The following CTNNA3 variants were observed in gnomAD, a reference collection of about 807,000 sequenced individuals.
CTNNA3 encodes catenin alpha-3.
In CTNNA3, 76 loss-of-function variants were observed where a neutral mutation model predicts 95.7. The observed-to-expected ratio is 0.79, with a 90% CI of 0.66 to 0.96. The LOEUF (loss-of-function observed/expected upper bound fraction) is 0.96. CTNNA3 is among the 40% of genes least tolerant of loss of function. The probability of loss-of-function intolerance (pLI) is 0.00; values close to 1 mark genes in which losing one functional copy is unlikely to be tolerated. For missense variants in CTNNA3, 1,191 were observed against 1,089.8 expected (o/e 1.09, Z -1.31); for synonymous variants, 431 against 374.4 (o/e 1.15, Z -1.74).
chr10:67,196,398 T>C (rs1251615960), intron 6 of CTNNA3, among the ~76,000 whole-genome samples: 1 of 152,088 alleles, frequency 6.6e-6, no homozygotes, highest in African/African-American at 2.4e-5. Flanking sequence ...TTGCATTTTG[T>C]TGTGTATCAA....
At chr10:67,755,586 G>C (rs1044925931) in intron 1 of CTNNA3, among the ~76,000 whole-genome samples, 1 of 152,016 alleles carries the variant, frequency 6.6e-6, no homozygotes, top group Non-Finnish European at 1.5e-5. Flanking sequence ...TGGATCATTT[G>C]AGGTCAGGAG....
At chr10:66,449,725 T>C (rs1811103234) in intron 11 of CTNNA3, among the ~76,000 whole-genome samples, 1 of 152,066 alleles carries the variant, frequency 6.6e-6, no homozygotes, top group South Asian at 2.1e-4. Context: ...AGAAAAACCA[T>C]TTAATGACTC....
At chr10:65,986,042 T>C (rs1311239131) in intron 16 of CTNNA3, among the ~76,000 whole-genome samples, 1 of 151,522 alleles carries the variant, frequency 6.6e-6, no homozygotes, top group African/African-American at 2.4e-5. Context: ...ATCCCATTTG[T>C]CTTTACTGAT....
At chr10:67,174,917 C>G (rs1862168061) in intron 7 of CTNNA3, among the ~76,000 whole-genome samples, 1 of 152,046 alleles carries the variant, frequency 6.6e-6, no homozygotes, top group South Asian at 2.1e-4. Flanking sequence ...ATCCAGATAT[C>G]TGTAAACTGA....
intron 9 of CTNNA3, among the ~76,000 whole-genome samples, chr10:66,651,801 G>GCCCTTGATCGCGGCACACAGCAGCA (rs1260390344): frequency 5.5e-4 from 13 of 23,842 alleles, no homozygotes; most frequent in African/African-American, 2.4e-3. Context: ...ACCCGCATTG[G>GCCCTTGATCGCGGCACACAGCAGCA]CCGGTTCCCA....
intron 9 of CTNNA3, among the ~76,000 whole-genome samples, chr10:66,731,830 G>A (rs1172787327): frequency 3.9e-5 from 6 of 152,140 alleles, no homozygotes; most frequent in African/African-American, 7.2e-5. Context: ...GGAGTTTCCG[G>A]ATGACATTCC....
chr10:67,341,028 T>C (rs1017576380), intron 5 of CTNNA3, among the ~76,000 whole-genome samples: 7 of 152,086 alleles, frequency 4.6e-5, no homozygotes, highest in African/African-American at 7.2e-5. Context: ...ATAAGACATA[T>C]AGGTTTTTAT....
chr10:67,372,430 AG>A (rs1175200223), intron 5 of CTNNA3, among the ~76,000 whole-genome samples: 3 of 152,224 alleles, frequency 2.0e-5, no homozygotes, highest in African/African-American at 4.8e-5. Flanking sequence ...TAGAGAAAAA[AG>A]AATAAAAAGA....
In CTNNA3 at chr10:66,520,912, T is replaced by G. The variant is rs534094698; in HGVS notation, c.1375-139A>C. On this transcript the variant is annotated intron_variant, in intron 10 of 17. Coordinates refer to ENST00000433211, the MANE Select transcript of CTNNA3 (RefSeq NM_013266.4). ...TCTGCACTTATAATTCCTAAATATA[T>G]AAAATAAATAAAAAATATTAAAACA... is the stretch of plus-strand genomic sequence containing the variant. 93 of 331,194 alleles carry G rather than the reference T, an allele frequency of 2.8e-4. No individual in the cohort carries two copies. In the East Asian group the frequency reaches 4.7e-3, roughly 17 times the overall value. The allele number at this position is 331,194 out of a possible 1,614,324, so 20.5% of individuals were successfully genotyped here.
intron 13 of CTNNA3, among the ~76,000 whole-genome samples, chr10:66,116,855 T>G (rs775825986): frequency 6.6e-6 from 1 of 152,026 alleles, no homozygotes; most frequent in Non-Finnish European, 1.5e-5. Flanking sequence ...CGCTGCACAC[T>G]TTTAAACAAC....
intron 15 of CTNNA3, among the ~76,000 whole-genome samples, chr10:66,009,459 G>A (rs187704107): frequency 6.6e-6 from 1 of 152,148 alleles, no homozygotes; most frequent in African/African-American, 2.4e-5. Flanking sequence ...CACTAAAGGA[G>A]AGTGTCAATG....
intron 5 of CTNNA3, among the ~76,000 whole-genome samples, chr10:67,388,930 C>A (rs1423046991): frequency 6.6e-6 from 1 of 152,258 alleles, no homozygotes; most frequent in Non-Finnish European, 1.5e-5. Context: ...TGGAAAGGAA[C>A]AACCAGTACC....
chr10:66,467,317 C>T (rs1432913463), intron 11 of CTNNA3, among the ~76,000 whole-genome samples: 2 of 152,074 alleles, frequency 1.3e-5, no homozygotes, highest in African/African-American at 4.8e-5. Context: ...TGAGTGAATT[C>T]ATGCTGGTCA....
chr10:66,050,779 A>G (rs1379234591), intron 15 of CTNNA3, among the ~76,000 whole-genome samples: 3 of 152,072 alleles, frequency 2.0e-5, no homozygotes, highest in African/African-American at 7.2e-5. Flanking sequence ...ATTGAGCTCA[A>G]ATAGTTCTTC....
At chr10:66,788,950 C>A (rs1265727698) in intron 7 of CTNNA3, among the ~76,000 whole-genome samples, 1 of 152,082 alleles carries the variant, frequency 6.6e-6, no homozygotes, top group Non-Finnish European at 1.5e-5. Flanking sequence ...ATAATAATTG[C>A]AGATTGGGAG....
chr10:67,504,726 C>T (rs1179970469), intron 5 of CTNNA3, among the ~76,000 whole-genome samples: 1 of 152,128 alleles, frequency 6.6e-6, no homozygotes, highest in Admixed American at 6.5e-5. Flanking sequence ...TTCTAGCCCA[C>T]TATTTTAGCA....
At chr10:65,954,930 A>G (rs2077698094) in intron 17 of CTNNA3, among the ~76,000 whole-genome samples, 1 of 152,148 alleles carries the variant, frequency 6.6e-6, no homozygotes, top group African/African-American at 2.4e-5. Context: ...GAAGGAAGTC[A>G]TTGGTATCTT....
chr10:66,912,908 A>ATATCCAAGCTTC (rs1372175089), intron 7 of CTNNA3, among the ~76,000 whole-genome samples: 2 of 152,150 alleles, frequency 1.3e-5, no homozygotes, highest in African/African-American at 4.8e-5. Context: ...TAAATACAAT[A>ATATCCAAGCTTC]TATCCAAGCT....
At chr10:67,629,212 T>C (rs970928851) in intron 2 of CTNNA3, among the ~76,000 whole-genome samples, 2 of 152,200 alleles carry the variant, frequency 1.3e-5, no homozygotes, top group African/African-American at 4.8e-5. Context: ...TTATGCACAC[T>C]GAAATAAATT....
Sources: gnomAD v4.1 joint callset for allele counts (sites outside exome capture counted in the v4.1 genomes callset) on GRCh38, gnomAD v4.1.1 for gene constraint, MANE v1.5 for transcripts, NCBI Gene and HGNC (gene_info 2026-07-23, HGNC 2026-07-21) for gene names.